Variants in CDK11A observed in about 807,000 individuals in gnomAD.
CDK11A encodes cyclin dependent kinase 11A, also known as cyclin-dependent kinase 11A.
Under a neutral mutation model 83.6 loss-of-function variants are expected in CDK11A, and 55 were observed. The ratio of observed to expected loss-of-function variants is 0.66; its 90% CI spans 0.53 to 0.82. CDK11A has a LOEUF of 0.82. Ranked by LOEUF, CDK11A falls within the 40% of genes least tolerant of loss-of-function variation. The probability of loss-of-function intolerance (pLI) is 0.00; values close to 1 mark genes in which losing one functional copy is unlikely to be tolerated. For synonymous variants in CDK11A, 247 were observed against 302.7 expected (o/e 0.82, Z 1.91); for missense variants, 564 against 810.1 (o/e 0.70, Z 3.69).
rs1245268964 is a variant in CDK11A, at chr1:1,721,092, C to T, written c.227+504G>A. Among the ~76,000 whole-genome samples the T allele has an allele frequency of 4.6e-5, 7 of 150,592 alleles. 1 individual carries two copies. Among genetic ancestry groups the T allele is most frequent in the Non-Finnish European group, 1.0e-4 (7 of 67,542 alleles). ...GGGTTTCACCGTGTTAGCCAGGAGG[C>T]TGAGGCAGGAGAATGGTGTGAACCA... On this transcript the variant is annotated intron_variant, in intron 3 of 19. Coordinates refer to ENST00000404249, the MANE Select transcript of CDK11A (RefSeq NM_024011.4).
chr1:1,707,992 C>T (rs1002295137), intron 10 of CDK11A, among the ~76,000 whole-genome samples, 188 bp downstream of exon 10: 2 of 141,910 alleles, frequency 1.4e-5, no homozygotes, highest in Non-Finnish European at 3.0e-5. Context: ...ACTCAGGACG[C>T]CCTTGGTCAG....
chr1:1,718,663 C>T (rs61777471), intron 4 of CDK11A, among the ~76,000 whole-genome samples: 116,319 of 144,378 alleles, frequency 0.81, 49,240 homozygotes, highest in Non-Finnish European at 0.93. Flanking sequence ...GAGACGGAGT[C>T]TTGCTCTGTC....
rs553498962 is a variant in CDK11A at position 1,718,461 on chromosome 1, G to A, written c.355+867C>T. Reference sequence around the variant, plus strand: ...TCTGAATGGTCTGTGACACACGCACGCTTTCAGCTAGAGTTTGCTCTCTCT... The same window carrying A: ...TCTGAATGGTCTGTGACACACGCACACTTTCAGCTAGAGTTTGCTCTCTCT... On this transcript the variant is annotated intron_variant, in intron 4 of 19. Coordinates refer to ENST00000404249, the MANE Select transcript of CDK11A (RefSeq NM_024011.4). Among the ~76,000 whole-genome samples, 61 of 148,396 alleles carry A rather than the reference G, an allele frequency of 4.1e-4. 3 individuals carry two copies. The highest frequency in any genetic ancestry group is 9.5e-4 in the African/African-American group (38 of 40,012).
Position 1,703,906 on chromosome 1 carries a change from C to T in CDK11A, c.1829G>A (p.Gly610Asp). Residue 610 changes from glycine to aspartate, a missense_variant, in exon 17 of 20, where the codon GGC becomes GAC. This residue lies in a region of CDK11A where 361 missense variants were observed against 402.7 expected (regional missense o/e 0.90). Transcript: ENST00000404249. ...YSTAVDMWSV[G>D]CIFGELLTQK... ...AGTCAGCAGCTCCCCGAAGATGCAG[C>T]CCACTGACCACATGTCCACGGCCGT... 4.3e-6 allele frequency: 7 copies of T among 1,609,746 alleles called. 1 individual carries two copies. The highest frequency in any genetic ancestry group is 3.3e-5 in the South Asian group (3 of 90,786).
At position 1,721,710 on chromosome 1, in the gene CDK11A, G is replaced by C. The variant is rs762879797; in HGVS notation, c.113C>G (p.Ser38Cys). 54 of 1,574,856 alleles carry C rather than the reference G, an allele frequency of 3.4e-5. 3 individuals are homozygous for C. Among genetic ancestry groups the C allele is most frequent in the Non-Finnish European group, 4.0e-5 (46 of 1,146,742 alleles). The change falls in exon 3 of 20, where the codon TCT becomes TGT. Residue 38 changes from serine to cysteine, a missense_variant and splice_region_variant. By Grantham distance (112) the Ser-to-Cys change is moderately radical (BLOSUM62 -1). This residue lies in a region of CDK11A where 28 missense variants were observed against 54.8 expected (regional missense o/e 0.51). Coordinates refer to ENST00000404249, the MANE Select transcript of CDK11A (RefSeq NM_024011.4). ...ATCCCGCTTGGAATCCCGGTCATCA[G>C]ACTAAGAAGCAAAGAGAAAGTTAAT... ...EKAEIKRLKN[S>C]DDRDSKRDSL... is the part of the protein sequence containing the mutation.
In CDK11A at chr1:1,708,849, TTCCTCTTCC is replaced by T. The variant is rs1263159415; in HGVS notation, c.939_947del (p.Glu319_Glu321del). On this transcript the variant is annotated inframe_deletion, in exon 9 of 20. Transcript: ENST00000404249. Reference sequence around the variant, plus strand: ...TGCTGCCGGTCTCCTCCTCCTCCTCTTCCTCTTCCTCCTCCTCCTCCTCTGATTCTTCAC... The same window carrying T: ...TGCTGCCGGTCTCCTCCTCCTCCTCTTCCTCCTCCTCCTCTGATTCTTCAC... 1.7e-4 allele frequency: 207 copies of T among 1,237,968 alleles called. 1 individual carries two copies. The highest frequency in any genetic ancestry group is 9.7e-4 in the South Asian group (75 of 77,170). The allele number at this position is 1,237,968 out of a possible 1,614,324, so 76.7% of individuals were successfully genotyped here. A position where few individuals can be genotyped will look rare whatever the true frequency, so the allele number is the denominator to read the frequency against.
rs1345541515 is a variant in CDK11A, at chr1:1,718,596, C to G, written c.355+732G>C. Among the ~76,000 whole-genome samples, 13 of 149,864 alleles carry G rather than the reference C, an allele frequency of 8.7e-5. 3 individuals are homozygous for G. The highest frequency in any genetic ancestry group is 2.7e-4 in the Admixed American group (4 of 14,946). On this transcript the variant is annotated intron_variant, in intron 4 of 19. Transcript: ENST00000404249. The stretch of plus-strand genomic sequence containing the variant: ...CTAGAGTATTCTCTCTATAGCCATT[C>G]TGAACGGTCTGTGACGCACGTATGC...
In CDK11A at chr1:1,704,030, A is replaced by G; in HGVS notation, c.1794+9T>C. On this transcript the variant is annotated intron_variant, in intron 16 of 19. Coordinates refer to ENST00000404249, the MANE Select transcript of CDK11A (RefSeq NM_024011.4). ...GGACAGGGGAGGCACTCAGACGCCC[A>G]GGACTCACCTTGGCACCAAGCAGCA... is the stretch of plus-strand genomic sequence containing the variant. The G allele has an allele frequency of 6.3e-7, 1 of 1,597,882 alleles. No homozygotes were observed. The highest frequency in any genetic ancestry group is 8.5e-7 in the Non-Finnish European group (1 of 1,170,266).
rs772995447 is a variant in CDK11A at position 1,716,497 on chromosome 1, T to A, written c.356-19A>T. The stretch of plus-strand genomic sequence containing the variant: ...TGCTTCCCTAATGAGAAATAAAGTG[T>A]CATGCAAAGAAACCTCACTTCAAAA... On this transcript the variant is annotated intron_variant, in intron 4 of 19. Coordinates refer to ENST00000404249, the MANE Select transcript of CDK11A (RefSeq NM_024011.4). 1 of 1,603,966 alleles carries A rather than the reference T, an allele frequency of 6.2e-7. No homozygotes were observed. Among genetic ancestry groups the A allele is most frequent in the Non-Finnish European group, 8.5e-7 (1 of 1,174,020 alleles).
At position 1,704,087 on chromosome 1, in the gene CDK11A, G is replaced by A. The variant is rs765895846; in HGVS notation, c.1746C>T (p.Val582=). 8 of 1,598,612 alleles carry A rather than the reference G, an allele frequency of 5.0e-6. No homozygotes were observed. The highest frequency in any genetic ancestry group is 2.2e-5 in the East Asian group (1 of 44,664). ...YGSPLKAYTP[V]VVTQWYRAPE... is the part of the protein sequence containing the mutation. ...GGGCGCGGTACCACTGGGTCACCAC[G>A]ACCGGGGTGTAGGCCTTCAGAGGGG... Residue 582 remains valine, a synonymous_variant, in exon 16 of 20, where the codon GTC becomes GTT. Coordinates refer to ENST00000404249, the MANE Select transcript of CDK11A (RefSeq NM_024011.4).
At chr1:1,718,169 C>T (rs113159621) in intron 4 of CDK11A, among the ~76,000 whole-genome samples, 4 of 138,724 alleles carry the variant, frequency 2.9e-5, no homozygotes, top group Non-Finnish European at 4.6e-5. Context: ...CTCTGGTTTT[C>T]GGTCTGTGAC....
chr1:1,716,085 C>T (rs760930), intron 5 of CDK11A, among the ~76,000 whole-genome samples: 120,678 of 149,960 alleles, frequency 0.8, 51,085 homozygotes, highest in Non-Finnish European at 0.93. Context: ...CCACTGCGCC[C>T]GGCGGGACGT....
Position 1,716,447 on chromosome 1 carries a change from G to A in CDK11A, c.387C>T (p.His129=), listed in dbSNP as rs754630865. The stretch of plus-strand genomic sequence containing the variant: ...CTTCTCGATGTCGTTTCCGACGTTC[G>A]TGCTCTCTTTCTTTCACTCTAGCAT... ...GKHARVKERE[H]ERRKRHREEQ... Residue 129 remains histidine, a synonymous_variant, in exon 5 of 20, where the codon CAC becomes CAT. Transcript: ENST00000404249. 11 of 1,608,140 alleles carry A rather than the reference G, an allele frequency of 6.8e-6. No individual in the cohort carries two copies. The highest frequency in any genetic ancestry group is 4.5e-5 in the East Asian group (2 of 44,798).
chr1:1,708,368 C>T lies in CDK11A; in HGVS notation c.1004-123G>A, dbSNP rs926601149. On this transcript the variant is annotated intron_variant, in intron 9 of 19. Transcript: ENST00000404249. Reference sequence around the variant, plus strand: ...CAAGAATGGATATGGAGGCTGGGCGCGGTGGCTCACGCCTGTAATCCCAGT... The same window carrying T: ...CAAGAATGGATATGGAGGCTGGGCGTGGTGGCTCACGCCTGTAATCCCAGT... 3.1e-5 allele frequency: 45 copies of T among 1,430,460 alleles called. 1 individual carries two copies. The highest frequency in any genetic ancestry group is 2.5e-4 in the South Asian group (18 of 72,056). The allele number at this position is 1,430,460 out of a possible 1,614,324, so 88.6% of individuals were successfully genotyped here. A position where few individuals can be genotyped will look rare whatever the true frequency, so the allele number is the denominator to read the frequency against.
In CDK11A at chr1:1,703,832, CTT is replaced by C. The variant is rs763070671; in HGVS notation, c.1901_1902del (p.Lys634SerfsTer10). ...PGNSEIDQIN[K>X]VFKELGTPSE... ...GGCAGGGCCAGACCCACCTTGAACACTTTGTTGATCTGATCGATTTCCGAATT... is the reference window on the plus strand; with the variant it reads ...GGCAGGGCCAGACCCACCTTGAACACTGTTGATCTGATCGATTTCCGAATT... On this transcript the variant is annotated frameshift_variant, in exon 17 of 20. Transcript: ENST00000404249. LOFTEE classifies it high-confidence loss of function. 1.2e-4 allele frequency: 187 copies of C among 1,609,760 alleles called. 5 individuals are homozygous for C. Among genetic ancestry groups the C allele is most frequent in the South Asian group, 9.4e-4 (85 of 90,794 alleles).
intron 5 of CDK11A, among the ~76,000 whole-genome samples, chr1:1,715,736 T>C (rs1256337597): frequency 2.0e-5 from 3 of 151,200 alleles, no homozygotes; most frequent in Admixed American, 6.6e-5. Flanking sequence ...GTGGACTCAC[T>C]CTGAAGGCGG....
rs1395474321 is a variant in CDK11A at position 1,721,852 on chromosome 1, A to C, written c.112-141T>G. 1.6e-6 allele frequency: 2 copies of C among 1,244,692 alleles called. 1 individual carries two copies. Among genetic ancestry groups the C allele is most frequent in the African/African-American group, 3.1e-5 (2 of 65,374 alleles). The allele number at this position is 1,244,692 out of a possible 1,614,324, so 77.1% of individuals were successfully genotyped here. On this transcript the variant is annotated intron_variant, in intron 2 of 19. Transcript: ENST00000404249. ...GTACTCTGAATGAGCCAGTGTTATA[A>C]AATATAAAGAATTTTTGGCCAGGTG... is the stretch of plus-strand genomic sequence containing the variant.
In CDK11A at chr1:1,704,370, G is replaced by A. The variant is rs759922835; in HGVS notation, c.1565-26C>T. ...CTGGGAGGGAGGGAGGCTCCCATGT[G>A]GACCCGGCCGCCCCAAGCCCAGGGC... On this transcript the variant is annotated intron_variant, in intron 14 of 19. Coordinates refer to ENST00000404249, the MANE Select transcript of CDK11A (RefSeq NM_024011.4). The A allele has an allele frequency of 1.4e-5, 23 of 1,605,730 alleles. 1 individual carries two copies. In the African/African-American group the frequency reaches 2.1e-4, roughly 15 times the overall value.
rs1371496844 is a variant in CDK11A at position 1,702,570 on chromosome 1, C to T, written c.*337G>A. Among the ~76,000 whole-genome samples, 4 of 120,848 alleles carry T rather than the reference C, an allele frequency of 3.3e-5. No individual in the cohort carries two copies. Among genetic ancestry groups the T allele is most frequent in the South Asian group, 3.0e-4 (1 of 3,294 alleles). 79.3% of individuals were successfully genotyped at this position (120,848 alleles called of 152,430 possible). On this transcript the variant is annotated 3_prime_UTR_variant, in exon 20 of 20. Transcript: ENST00000404249. ...CAACACAGAAACAGGTCTCCAGCTC[C>T]GAAGATTAAACAATCCACCCGGCTC...
Sources: gnomAD v4.1 joint callset for allele counts (sites outside exome capture counted in the v4.1 genomes callset) on GRCh38, gnomAD v4.1.1 for gene constraint, gnomAD v4.1.1 regional missense constraint, MANE v1.5 for transcripts, NCBI Gene and HGNC (gene_info 2026-07-23, HGNC 2026-07-21) for gene names.